The following SCHIP1 variants were observed in gnomAD, a reference collection of about 807,000 sequenced individuals.
The protein encoded by SCHIP1 is schwannomin-interacting protein 1.
A neutral mutation model predicts 29.7 loss-of-function variants in SCHIP1; 8 were observed. The observed-to-expected ratio is 0.27, with a 90% CI of 0.16 to 0.49. The LOEUF is 0.49. Among genes scored for constraint, SCHIP1 ranks in the 20% least tolerant of loss-of-function variants. The probability of loss-of-function intolerance (pLI) is 0.99; values close to 1 mark genes in which losing one functional copy is unlikely to be tolerated. For synonymous variants in SCHIP1, 76 were observed against 94.9 expected (o/e 0.80, Z 1.16); for missense variants, 193 against 294.6 (o/e 0.66, Z 2.52).
chr3:159,321,267 G>T, the SCHIP1 span, among the ~76,000 whole-genome samples: 2 of 152,136 alleles, frequency 1.3e-5, no homozygotes, highest in Non-Finnish European at 2.9e-5. Flanking sequence ...GCCTGGACTT[G>T]GTGGTTATTT....
chr3:159,498,905 C>T, the SCHIP1 span, among the ~76,000 whole-genome samples: 4 of 152,026 alleles, frequency 2.6e-5, no homozygotes, highest in African/African-American at 9.7e-5. Context: ...TATTGTTAAC[C>T]AATATTGCCA....
At chr3:159,720,087 A>T in the SCHIP1 span, among the ~76,000 whole-genome samples, 10 of 152,330 alleles carry the variant, frequency 6.6e-5, no homozygotes, top group Non-Finnish European at 1.3e-4. Context: ...AGGGACATTG[A>T]CGAAGCTGGA....
chr3:159,775,291 C>T, the SCHIP1 span, among the ~76,000 whole-genome samples: 2 of 152,178 alleles, frequency 1.3e-5, no homozygotes, highest in Non-Finnish European at 2.9e-5. Flanking sequence ...TTGGGCTTTT[C>T]CAGGTGCAGA....
the SCHIP1 span, among the ~76,000 whole-genome samples, chr3:159,283,702 A>G: frequency 6.6e-6 from 1 of 152,128 alleles, no homozygotes; most frequent in Admixed American, 6.5e-5. Context: ...ATTTATTAAA[A>G]TCTCTTAATA....
the SCHIP1 span, among the ~76,000 whole-genome samples, chr3:159,827,547 T>C: frequency 6.6e-6 from 1 of 152,226 alleles, no homozygotes; most frequent in African/African-American, 2.4e-5. Flanking sequence ...AATAGAAGCC[T>C]GTAATCCCAG....
chr3:159,528,315 A>G, the SCHIP1 span, among the ~76,000 whole-genome samples: 1 of 152,216 alleles, frequency 6.6e-6, no homozygotes, highest in Non-Finnish European at 1.5e-5. Context: ...CTGAGAATAT[A>G]TAAATCTGGA....
chr3:159,398,376 T>G, the SCHIP1 span, among the ~76,000 whole-genome samples: 1 of 152,126 alleles, frequency 6.6e-6, no homozygotes, highest in South Asian at 2.1e-4. Flanking sequence ...TTTTAAGGAG[T>G]TCTACCATTA....
At chr3:159,802,247 G>A in the SCHIP1 span, among the ~76,000 whole-genome samples, 1 of 152,178 alleles carries the variant, frequency 6.6e-6, no homozygotes, top group Non-Finnish European at 1.5e-5. Flanking sequence ...CTGAAAAAGA[G>A]GTTAAGTCAC....
At chr3:159,385,590 CAA>C in the SCHIP1 span, among the ~76,000 whole-genome samples, 52 of 130,566 alleles carry the variant, frequency 4.0e-4, no homozygotes, top group South Asian at 1.7e-3. Context: ...AAAAAAAAAC[CAA>C]AAAAAAAAAA....
the SCHIP1 span, among the ~76,000 whole-genome samples, chr3:159,406,141 A>T: frequency 6.6e-6 from 1 of 151,734 alleles, no homozygotes; most frequent in East Asian, 2.0e-4. Context: ...CAGCAAACAG[A>T]TTTATCCAAA....
At chr3:159,760,569 C>T in the SCHIP1 span, among the ~76,000 whole-genome samples, 3 of 152,150 alleles carry the variant, frequency 2.0e-5, no homozygotes, top group African/African-American at 2.4e-5. Flanking sequence ...TTCATAGGAT[C>T]GAGGATTATA....
intron 1 of SCHIP1, among the ~76,000 whole-genome samples, chr3:159,858,926 C>A (rs899874765): frequency 6.6e-6 from 1 of 152,184 alleles, no homozygotes; most frequent in Non-Finnish European, 1.5e-5. Context: ...AACAGCATTT[C>A]GGGAAACCTG....
chr3:159,771,339 C>T, the SCHIP1 span, among the ~76,000 whole-genome samples: 1 of 152,240 alleles, frequency 6.6e-6, no homozygotes, highest in South Asian at 2.1e-4. Context: ...TTTAGTATTC[C>T]TACAAAATAC....
chr3:159,572,443 A>G, the SCHIP1 span, among the ~76,000 whole-genome samples: 1 of 152,048 alleles, frequency 6.6e-6, no homozygotes, highest in Admixed American at 6.6e-5. Context: ...GAGTTTCTTA[A>G]TCCTGAGTTC....
chr3:159,714,831 G>A, the SCHIP1 span, among the ~76,000 whole-genome samples: 1 of 152,218 alleles, frequency 6.6e-6, no homozygotes, highest in African/African-American at 2.4e-5. Context: ...GGGCATAGCT[G>A]AACAAAAGGA....
At chr3:159,535,695 C>T in the SCHIP1 span, among the ~76,000 whole-genome samples, 4 of 152,188 alleles carry the variant, frequency 2.6e-5, no homozygotes, top group Non-Finnish European at 5.9e-5. Context: ...TAACCACTGT[C>T]ATTACAGAAG....
chr3:159,511,063 G>A, the SCHIP1 span, among the ~76,000 whole-genome samples: 4 of 152,230 alleles, frequency 2.6e-5, no homozygotes, highest in African/African-American at 4.8e-5. Context: ...CCTGCCCCCA[G>A]AGGTGGAGTC....
the SCHIP1 span, among the ~76,000 whole-genome samples, chr3:159,805,840 G>T: frequency 2.7e-4 from 37 of 138,502 alleles, no homozygotes; most frequent in African/African-American, 9.6e-4. Flanking sequence ...AGGGAGTCTC[G>T]CTCTGTCACC....
At chr3:159,495,115 T>G in the SCHIP1 span, among the ~76,000 whole-genome samples, 1 of 152,110 alleles carries the variant, frequency 6.6e-6, no homozygotes, top group African/African-American at 2.4e-5. Context: ...CTCAAAATAA[T>G]AAGAGCTATC....
Sources: allele counts gnomAD v4.1 joint callset (sites outside exome capture counted in the v4.1 genomes callset), GRCh38; gene constraint gnomAD v4.1.1; transcripts MANE v1.5; gene names NCBI Gene and HGNC (gene_info 2026-07-23, HGNC 2026-07-21).